RYR3: variants seen among roughly 807,000 people sequenced by gnomAD.
RYR3 encodes ryanodine receptor 3, also known as brain ryanodine receptor-calcium release channel.
RYR3 carries 207 observed loss-of-function variants against 584.3 expected under a neutral mutation model. That is an observed-to-expected ratio of 0.35 (90% CI 0.32 to 0.40). RYR3 has a LOEUF of 0.40. RYR3 is among the 10% of genes least tolerant of loss of function. The pLI is 1.00. For synonymous variants in RYR3, 2,416 were observed against 2,248.5 expected, an observed-to-expected ratio of 1.07 and a Z score of -2.11; for missense variants, 5,616 against 6,089.2, an observed-to-expected ratio of 0.92 and a Z score of 2.59.
chr15:33,546,124 C>T (rs904973642), intron 8 of RYR3, among the ~76,000 whole-genome samples: 1 of 152,116 alleles, frequency 6.6e-6, no homozygotes, highest in African/African-American at 2.4e-5. Context: ...CCTCAGTAAC[C>T]TTGTGAGATT....
intron 1 of RYR3, among the ~76,000 whole-genome samples, chr15:33,416,603 A>G (rs574162783): frequency 6.6e-6 from 1 of 152,228 alleles, no homozygotes; most frequent in Admixed American, 6.5e-5. Flanking sequence ...TGTCAGATGC[A>G]CAGTTTGCAA....
intron 18 of RYR3, among the ~76,000 whole-genome samples, chr15:33,611,673 A>G (rs918837855): frequency 6.6e-6 from 1 of 151,976 alleles, no homozygotes; most frequent in Admixed American, 6.6e-5. Context: ...TTTTGTATTT[A>G]TTTGAGACAG....
intron 22 of RYR3, 137 bp from the exon 23 acceptor site, chr15:33,631,073 C>T: frequency 1.7e-6 from 1 of 576,548 alleles, no homozygotes; most frequent in Non-Finnish European, 3.1e-6. Context: ...TACTCTGTGG[C>T]CCCTTACAGA....
At chr15:33,448,452 T>C (rs933386893) in intron 1 of RYR3, among the ~76,000 whole-genome samples, 4 of 152,186 alleles carry the variant, frequency 2.6e-5, no homozygotes, top group Non-Finnish European at 4.4e-5. Flanking sequence ...AACACCCCCA[T>C]CAGGGGAGAC....
intron 42 of RYR3, among the ~76,000 whole-genome samples, chr15:33,706,292 TG>T (rs1237426862): frequency 1.3e-5 from 2 of 152,244 alleles, no homozygotes; most frequent in African/African-American, 4.8e-5. Context: ...TCAATACTTT[TG>T]TAATGTTGTT....
At chr15:33,789,862 G>C (rs970536147) in intron 67 of RYR3, among the ~76,000 whole-genome samples, 3 of 144,704 alleles carry the variant, frequency 2.1e-5, no homozygotes, top group Non-Finnish European at 3.0e-5. Flanking sequence ...TTTTAGTAGA[G>C]ATGGGGTTTT....
At chr15:33,725,552 G>A (rs535632632) in intron 45 of RYR3, among the ~76,000 whole-genome samples, 19 of 152,126 alleles carry the variant, frequency 1.2e-4, no homozygotes, top group Non-Finnish European at 2.6e-4. Context: ...GGATAACTCC[G>A]CTGAGCCCCT....
intron 67 of RYR3, among the ~76,000 whole-genome samples, chr15:33,794,511 G>A (rs77440103): frequency 6.6e-6 from 1 of 151,354 alleles, no homozygotes; most frequent in East Asian, 2.0e-4. Flanking sequence ...AGAGTTTGAA[G>A]TGAAAAATAA....
chr15:33,518,116 A>C (rs1279504413), intron 3 of RYR3, among the ~76,000 whole-genome samples: 2 of 152,224 alleles, frequency 1.3e-5, no homozygotes, highest in Non-Finnish European at 2.9e-5. Flanking sequence ...CAAGTCAGTC[A>C]GTTAATCTGT....
At chr15:33,465,711 CA>C (rs763687475) in intron 1 of RYR3, 1 of 518,818 alleles carries the variant, frequency 1.9e-6, no homozygotes, top group Admixed American at 1.9e-5. Context: ...GAGGTGATTA[CA>C]ATAGTTGTGA....
intron 1 of RYR3, among the ~76,000 whole-genome samples, chr15:33,314,458 T>TGA (rs1304628366): frequency 6.6e-6 from 1 of 152,196 alleles, no homozygotes; most frequent in African/African-American, 2.4e-5. Context: ...CATTCTGCTT[T>TGA]GAGAGTGCTA....
intron 1 of RYR3, among the ~76,000 whole-genome samples, chr15:33,463,967 G>A (rs1369499990): frequency 6.6e-6 from 1 of 152,062 alleles, no homozygotes; most frequent in Non-Finnish European, 1.5e-5. Context: ...TGAATTCCCA[G>A]GTTTTTTGGG....
intron 38 of RYR3, among the ~76,000 whole-genome samples, chr15:33,692,675 C>T (rs938229514): frequency 2.0e-5 from 3 of 150,934 alleles, no homozygotes; most frequent in South Asian, 2.1e-4. Context: ...ATATTTATCC[C>T]GTTCTCTGAC....
chr15:33,669,241 A>T (rs77027791), intron 36 of RYR3, 113 bp from the exon 37 acceptor site: 2 of 690,790 alleles, frequency 2.9e-6, no homozygotes, highest in South Asian at 3.2e-5. Context: ...AAAAAAAAAA[A>T]TCACTAAGTA....
At chr15:33,385,689 C>CTTTTTTTTCTTTTTTTTT (rs1555451100) in intron 1 of RYR3, among the ~76,000 whole-genome samples, 1 of 143,818 alleles carries the variant, frequency 7.0e-6, no homozygotes. Context: ...TTTTTCTTTT[C>CTTTTTTTTCTTTTTTTTT]TTTTTTTTTC....
intron 3 of RYR3, among the ~76,000 whole-genome samples, chr15:33,527,725 G>A (rs1182852026): frequency 6.6e-6 from 1 of 152,220 alleles, no homozygotes; most frequent in Non-Finnish European, 1.5e-5. Context: ...TTTTAAGTAT[G>A]GTGGGAAGCC....
chr15:33,715,723 T>G (rs28739544), intron 43 of RYR3, among the ~76,000 whole-genome samples: 27,212 of 152,160 alleles, frequency 0.18, 2,685 homozygotes, highest in Admixed American at 0.28. Flanking sequence ...TAGTACCATG[T>G]TGCTGCATCC....
intron 64 of RYR3, among the ~76,000 whole-genome samples, chr15:33,774,627 T>G (rs2152892637): frequency 6.6e-6 from 1 of 152,360 alleles, no homozygotes; most frequent in East Asian, 1.9e-4. Flanking sequence ...TGTCTGTTTC[T>G]TCATAATCAC....
intron 25 of RYR3, among the ~76,000 whole-genome samples, 169 bp from the exon 26 acceptor site, chr15:33,635,445 A>G (rs2061452619): frequency 6.6e-6 from 1 of 152,236 alleles, no homozygotes; most frequent in Non-Finnish European, 1.5e-5. Flanking sequence ...TTGTATGGTG[A>G]TGATGATGAC....
Sources: allele counts gnomAD v4.1 joint callset (sites outside exome capture counted in the v4.1 genomes callset), GRCh38; gene constraint gnomAD v4.1.1; transcripts MANE v1.5; gene names NCBI Gene and HGNC (gene_info 2026-07-23, HGNC 2026-07-21).